Variants in GGA1 observed in about 807,000 individuals in gnomAD.
GGA1 encodes golgi associated, gamma adaptin ear containing, ARF binding protein 1.
A neutral mutation model predicts 76.9 loss-of-function variants in GGA1; 18 were observed. That is an observed-to-expected ratio of 0.23 (90% CI 0.16 to 0.35). The LOEUF (loss-of-function observed/expected upper bound fraction) is 0.35. Ranked by LOEUF, GGA1 falls within the 10% of genes least tolerant of loss-of-function variation. The pLI is 1.00. For synonymous variants in GGA1, 342 were observed against 354.7 expected (o/e 0.96, Z 0.40); for missense variants, 755 against 859.0 (o/e 0.88, Z 1.51).
At chr22:37,611,263 A>C (rs1304577184) in intron 1 of GGA1, among the ~76,000 whole-genome samples, 11 of 151,888 alleles carry the variant, frequency 7.2e-5, no homozygotes, top group Admixed American at 7.2e-4. Flanking sequence ...TGGGACAGAG[A>C]TCTAGATCCA....
intron 4 of GGA1, 187 bp from the exon 5 acceptor site, chr22:37,620,051 C>G (rs1601526061): frequency 4.5e-6 from 3 of 660,760 alleles, no homozygotes; most frequent in East Asian, 5.1e-5. Context: ...GCTGACCCAG[C>G]TAATAAGTGG....
Position 37,632,188 on chromosome 22 carries a change from C to T in GGA1, c.1698+23C>T. On this transcript the variant is annotated intron_variant, in intron 15 of 16. Transcript: ENST00000343632. The surrounding 1 kb of genome is among the most constrained non-coding windows in gnomAD (Gnocchi z 5.1). ...AAGGTGACAAGCCAGTCGGACAGGG[C>T]ATGCCTCCCTCCTCTCAAGGCAGGG... is the stretch of plus-strand genomic sequence containing the variant. 6.3e-7 allele frequency: 1 copy of T among 1,597,630 alleles called. No homozygotes were observed. The highest frequency in any genetic ancestry group is 8.6e-7 in the Non-Finnish European group (1 of 1,167,934).
chr22:37,614,227 G>A lies in GGA1; in HGVS notation c.81G>A (p.Trp27Ter). 6.2e-7 allele frequency: 1 copy of A among 1,613,948 alleles called. No individual in the cohort carries two copies. Among genetic ancestry groups the A allele is most frequent in the Non-Finnish European group, 8.5e-7 (1 of 1,179,938 alleles). ...ATNPLNKELD[W>*]ASINGFCEQL... ...ACCCCCTGAACAAGGAGCTCGACTGGGCCAGCATCAACGGCTTCTGCGAGC... is the reference window on the plus strand; with the variant it reads ...ACCCCCTGAACAAGGAGCTCGACTGAGCCAGCATCAACGGCTTCTGCGAGC... The change falls in exon 2 of 17, where the codon TGG (tryptophan) becomes TGA (stop). Residue 27 changes from tryptophan (W) to a stop codon, truncating the protein, a stop_gained. Coordinates refer to ENST00000343632, the MANE Select transcript of GGA1 (RefSeq NM_013365.5). LOFTEE classifies it high-confidence loss of function.
Position 37,632,785 on chromosome 22 carries a change from A to G in GGA1, c.*74A>G. 1.1e-6 allele frequency: 1 copy of G among 893,496 alleles called. No homozygotes were observed. 55.3% of individuals were successfully genotyped at this position (893,496 alleles called of 1,614,324 possible). ...AGCCTGGAGGGAGGCATTGGTGGCC[A>G]AGGACACCCTTTGTTGCCCATGGCC... is the stretch of plus-strand genomic sequence containing the variant. On this transcript the variant is annotated 3_prime_UTR_variant, in exon 17 of 17. Transcript: ENST00000343632. This position sits in a 1 kb window ranked among gnomAD's most constrained non-coding sequence, Gnocchi z 5.1.
Position 37,625,139 on chromosome 22 carries a change from G to A in GGA1, c.940+63G>A, listed in dbSNP as rs1264075736. On this transcript the variant is annotated intron_variant, in intron 10 of 16. Transcript: ENST00000343632. The surrounding 1 kb of genome is among the most constrained non-coding windows in gnomAD (Gnocchi z 4.1). ...AGGCTGGAGGGGCACAGAGAGTGCA[G>A]GGTGGTGTGCTGGTCTCAGAGCGGC... 15 of 1,406,232 alleles carry A rather than the reference G, an allele frequency of 1.1e-5. No individual in the cohort carries two copies. In the East Asian group the frequency reaches 3.5e-4, roughly 33 times the overall value. 87.1% of individuals were successfully genotyped at this position (1,406,232 alleles called of 1,614,324 possible). A position where few individuals can be genotyped will look rare whatever the true frequency, so the allele number is the denominator to read the frequency against.
At chr22:37,630,565 G>T (rs1014060751) in intron 13 of GGA1, 2 of 446,632 alleles carry the variant, frequency 4.5e-6, no homozygotes, top group Non-Finnish European at 7.9e-6. Flanking sequence ...CATCACCAAA[G>T]AATCACTTTT....
At chr22:37,619,340 C>T (rs1380081742) in intron 4 of GGA1, among the ~76,000 whole-genome samples, 1 of 151,506 alleles carries the variant, frequency 6.6e-6, no homozygotes, top group Non-Finnish European at 1.5e-5. Context: ...GCCGGGATTA[C>T]AGGCGTGAGC....
At position 37,614,266 on chromosome 22, in the gene GGA1, C is replaced by T; in HGVS notation, c.120C>T (p.Asp40=). ...INGFCEQLNE[D]FEGPPLATRL... ...GCTTCTGCGAGCAGCTCAACGAGGA[C>T]TTTGAGGGGTAGGTGGCCGTCCCCA... The change falls in exon 2 of 17, where the codon GAC becomes GAT. Residue 40 remains aspartate (D), a synonymous_variant. Coordinates refer to ENST00000343632, the MANE Select transcript of GGA1 (RefSeq NM_013365.5). 6.2e-7 allele frequency: 1 copy of T among 1,612,016 alleles called. No homozygotes were observed. Among genetic ancestry groups the T allele is most frequent in the Non-Finnish European group, 8.5e-7 (1 of 1,178,184 alleles).
intron 6 of GGA1, 59 bp downstream of exon 6, chr22:37,620,972 C>G: frequency 9.8e-7 from 1 of 1,017,246 alleles, no homozygotes; most frequent in Non-Finnish European, 1.6e-6. Context: ...TCCGTGGGTT[C>G]TGACCTCTAG....
In GGA1 at chr22:37,632,661, A is replaced by T. The variant is rs1300088803; in HGVS notation, c.1870A>T (p.Met624Leu). The T allele has an allele frequency of 1.9e-6, 3 of 1,613,236 alleles. No individual in the cohort carries two copies. The highest frequency in any genetic ancestry group is 1.3e-5 in the African/African-American group (1 of 74,894). Residue 624 changes from methionine to leucine, a missense_variant, in exon 17 of 17, where the codon ATG becomes TTG. Transcript: ENST00000343632. The surrounding 1 kb of genome is among the most constrained non-coding windows in gnomAD (Gnocchi z 5.1). ...FTMGDQTYNE[M>L]GDVDQFPPPE... ...CATGGGTGACCAGACCTACAACGAG[A>T]TGGGGGATGTGGACCAGTTCCCCCC...
At chr22:37,617,761 C>T in intron 3 of GGA1, 2 of 912,766 alleles carry the variant, frequency 2.2e-6, no homozygotes, top group Non-Finnish European at 2.6e-6. Flanking sequence ...ATAACTAGTC[C>T]TATGATTTCA....
rs184939270 is a variant in GGA1, at chr22:37,621,444, G to A, written c.529-172G>A. Among the ~76,000 whole-genome samples, 184 of 152,242 alleles carry A rather than the reference G, an allele frequency of 1.2e-3. 1 individual carries two copies. The highest frequency in any genetic ancestry group is 3.4e-3 in the Middle Eastern group (1 of 294). Reference sequence around the variant, plus strand: ...TGTGCACTTTACATGCAGTGTCTCCGCTGGCCTGTGGCCACCCTATCAGGC... The same window carrying A: ...TGTGCACTTTACATGCAGTGTCTCCACTGGCCTGTGGCCACCCTATCAGGC... On this transcript the variant is annotated intron_variant, in intron 6 of 16. Coordinates refer to ENST00000343632, the MANE Select transcript of GGA1 (RefSeq NM_013365.5).
Position 37,624,180 on chromosome 22 carries a change from G to T in GGA1, c.832+547G>T, listed in dbSNP as rs112155558. 259 of 161,982 alleles carry T rather than the reference G, an allele frequency of 1.6e-3. No homozygotes were observed. Among genetic ancestry groups the T allele is most frequent in the African/African-American group, 5.8e-3 (240 of 41,666 alleles). The allele number at this position is 161,982 out of a possible 1,614,324, so 10.0% of individuals were successfully genotyped here. ...CCATCCACTCCCTCATTAAGCAGGA[G>T]CCCCACCCACAAGGCTCACTGCCCA... On this transcript the variant is annotated intron_variant, in intron 9 of 16. Coordinates refer to ENST00000343632, the MANE Select transcript of GGA1 (RefSeq NM_013365.5). This position sits in a 1 kb window ranked among gnomAD's most constrained non-coding sequence, Gnocchi z 4.3.
chr22:37,611,071 C>T (rs995369241), intron 1 of GGA1, among the ~76,000 whole-genome samples: 4 of 152,210 alleles, frequency 2.6e-5, no homozygotes, highest in African/African-American at 4.8e-5. Flanking sequence ...GGCTGGGTGT[C>T]ATTGAATGGG....
chr22:37,619,049 A>G (rs537632532), intron 4 of GGA1, among the ~76,000 whole-genome samples: 1 of 152,242 alleles, frequency 6.6e-6, no homozygotes, highest in East Asian at 1.9e-4. Flanking sequence ...GAGTCTTCCC[A>G]CAGACCATGA....
Position 37,608,868 on chromosome 22 carries a change from C to G in GGA1, c.8C>G (p.Pro3Arg). The G allele has an allele frequency of 7.7e-7, 1 of 1,306,216 alleles. No homozygotes were observed. The highest frequency in any genetic ancestry group is 9.7e-7 in the Non-Finnish European group (1 of 1,028,104). 80.9% of individuals were successfully genotyped at this position (1,306,216 alleles called of 1,614,324 possible). Residue 3 changes from proline (P) to arginine (R), a missense_variant, in exon 1 of 17, where the codon CCC (proline) becomes CGC (arginine). Pro to Arg is a moderately radical substitution (Grantham distance 103). Transcript: ENST00000343632. The stretch of plus-strand genomic sequence containing the variant: ...GCTGGGGGCCGGTGGCGGATGGAGC[C>G]CGCGATGGAGCCGGAGACTCTGGAG... ME[P>R]AMEPETLEAR...
chr22:37,617,338 C>T, intron 3 of GGA1: 1 of 1,192,720 alleles, frequency 8.4e-7, no homozygotes, highest in Non-Finnish European at 1.0e-6. Flanking sequence ...AGGCCACACT[C>T]CTGGAGTATC....
chr22:37,632,906 C>A lies in GGA1; in HGVS notation c.*195C>A, dbSNP rs920263881. On this transcript the variant is annotated 3_prime_UTR_variant, in exon 17 of 17. Transcript: ENST00000343632. This position sits in a 1 kb window ranked among gnomAD's most constrained non-coding sequence, Gnocchi z 5.1. The stretch of plus-strand genomic sequence containing the variant: ...CGGCCCCGCCCCTGCTGAGCCAAAC[C>A]CAGTAGGAGGCTGGGCCTGGGTTTG... The A allele has an allele frequency of 1.7e-5, 10 of 581,314 alleles. No individual in the cohort carries two copies. The highest frequency in any genetic ancestry group is 5.6e-5 in the African/African-American group (3 of 53,562). The allele number at this position is 581,314 out of a possible 1,614,324, so 36.0% of individuals were successfully genotyped here. A position where few individuals can be genotyped will look rare whatever the true frequency, so the allele number is the denominator to read the frequency against.
chr22:37,625,894 C>T lies in GGA1; in HGVS notation c.1038C>T (p.Ser346=), dbSNP rs1388187305. ...AMPTRPGEQA[S]PEQPSASVSL... is the part of the protein sequence containing the mutation. ...CCACCCGCCCTGGCGAGCAGGCCAG[C>T]CCTGAGCAGCCCAGTGCCTCAGTTT... The change falls in exon 11 of 17, where the codon AGC becomes AGT. Residue 346 remains serine, a synonymous_variant. Transcript: ENST00000343632. This position sits in a 1 kb window ranked among gnomAD's most constrained non-coding sequence, Gnocchi z 4.1. The T allele has an allele frequency of 3.1e-6, 5 of 1,608,626 alleles. No individual in the cohort carries two copies. The highest frequency in any genetic ancestry group is 1.3e-5 in the African/African-American group (1 of 75,012).
Sources: gnomAD v4.1 joint callset for allele counts (sites outside exome capture counted in the v4.1 genomes callset) on GRCh38, gnomAD v4.1.1 for gene constraint, Gnocchi (gnomAD v3.1) non-coding constraint, MANE v1.5 for transcripts, NCBI Gene and HGNC (gene_info 2026-07-23, HGNC 2026-07-21) for gene names.